Variants in CTNNA3 observed in about 807,000 individuals in gnomAD.
The protein encoded by CTNNA3 is catenin alpha-3.
CTNNA3 carries 76 observed loss-of-function variants against 95.7 expected under a neutral mutation model. The ratio of observed to expected loss-of-function variants is 0.79; its 90% confidence interval spans 0.66 to 0.96. The LOEUF (loss-of-function observed/expected upper bound fraction) is 0.96, where lower values mean the gene tolerates loss of function less well. Among genes scored for constraint, CTNNA3 ranks in the 40% least tolerant of loss-of-function variants. The probability of loss-of-function intolerance (pLI) is 0.00; values close to 1 mark genes in which losing one functional copy is unlikely to be tolerated. For missense variants in CTNNA3, 1,191 were observed against 1,089.8 expected, an observed-to-expected ratio of 1.09 and a Z score of -1.31; for synonymous variants, 431 against 374.4, an observed-to-expected ratio of 1.15 and a Z score of -1.74.
At chr10:67,448,059 T>C (rs1025543581) in intron 5 of CTNNA3, among the ~76,000 whole-genome samples, 4 of 152,206 alleles carry the variant, frequency 2.6e-5, no homozygotes, top group African/African-American at 7.2e-5. Context: ...GAATTTATGA[T>C]AGCTGAGTGC....
intron 15 of CTNNA3, among the ~76,000 whole-genome samples, chr10:66,066,673 T>G (rs12219948): frequency 0.17 from 26,080 of 152,140 alleles, 2,489 homozygotes; most frequent in South Asian, 0.35. Flanking sequence ...ACAATAAATT[T>G]AATTTTCTCA....
chr10:67,257,353 C>G (rs1564516596), intron 5 of CTNNA3, among the ~76,000 whole-genome samples: 1 of 152,218 alleles, frequency 6.6e-6, no homozygotes, highest in Non-Finnish European at 1.5e-5. Context: ...GCTGAAAGCA[C>G]AAATTTCAGT....
intron 13 of CTNNA3, among the ~76,000 whole-genome samples, chr10:66,189,778 G>A (rs12414265): frequency 0.086 from 13,044 of 150,850 alleles, 629 homozygotes; most frequent in Admixed American, 0.12. Context: ...TTTATTTTCC[G>A]TATGAATTTG....
At chr10:66,446,412 G>A (rs558003548) in intron 11 of CTNNA3, among the ~76,000 whole-genome samples, 1 of 152,076 alleles carries the variant, frequency 6.6e-6, no homozygotes, top group South Asian at 2.1e-4. Context: ...GAACATTGAT[G>A]CAAAAATCCT....
At chr10:67,750,660 T>C (rs949048309) in intron 1 of CTNNA3, 3 of 1,545,896 alleles carry the variant, frequency 1.9e-6, no homozygotes, top group African/African-American at 1.4e-5. Flanking sequence ...TCCGCAAAGA[T>C]GATAAAGGTA....
intron 9 of CTNNA3, among the ~76,000 whole-genome samples, chr10:66,729,703 G>A (rs1015255051): frequency 6.6e-6 from 1 of 152,160 alleles, no homozygotes; most frequent in African/African-American, 2.4e-5. Flanking sequence ...TATTGCTTGG[G>A]TGATGAGTGC....
intron 10 of CTNNA3, among the ~76,000 whole-genome samples, chr10:66,561,525 T>C (rs1369144780): frequency 6.6e-6 from 1 of 152,044 alleles, no homozygotes; most frequent in African/African-American, 2.4e-5. Context: ...CCAAGTTCTA[T>C]GTAAAGTGAT....
intron 11 of CTNNA3, among the ~76,000 whole-genome samples, chr10:66,444,299 A>G (rs1006730171): frequency 1.2e-4 from 18 of 152,140 alleles, no homozygotes; most frequent in Non-Finnish European, 2.2e-4. Context: ...GCAGGCCAAC[A>G]TTCAGATTCA....
intron 5 of CTNNA3, among the ~76,000 whole-genome samples, chr10:67,384,431 A>T (rs1480671777): frequency 6.6e-6 from 1 of 152,222 alleles, no homozygotes; most frequent in Non-Finnish European, 1.5e-5. Flanking sequence ...TGCTTCATCC[A>T]CTAAATATAT....
intron 6 of CTNNA3, among the ~76,000 whole-genome samples, chr10:67,196,625 G>A (rs1034787762): frequency 1.3e-5 from 2 of 151,956 alleles, no homozygotes; most frequent in African/African-American, 4.8e-5. Flanking sequence ...TCTTCTCCTA[G>A]GCATATTTCT....
chr10:66,750,188 A>C (rs1839075778), intron 9 of CTNNA3, among the ~76,000 whole-genome samples: 1 of 152,186 alleles, frequency 6.6e-6, no homozygotes, highest in Non-Finnish European at 1.5e-5. Context: ...TCTTCATATT[A>C]TCTTTTGCAG....
intron 14 of CTNNA3, among the ~76,000 whole-genome samples, chr10:66,071,905 C>A (rs1483480447): frequency 6.6e-6 from 1 of 152,144 alleles, no homozygotes; most frequent in African/African-American, 2.4e-5. Flanking sequence ...GCTGTGTTAT[C>A]CCAATTGCCT....
intron 11 of CTNNA3, among the ~76,000 whole-genome samples, chr10:66,450,268 A>T (rs2093454680): frequency 6.6e-6 from 1 of 152,178 alleles, no homozygotes; most frequent in Non-Finnish European, 1.5e-5. Context: ...ATGCTAGAAG[A>T]GTTTTGGTAT....
At chr10:67,109,250 T>G (rs1291552698) in intron 7 of CTNNA3, among the ~76,000 whole-genome samples, 1 of 152,204 alleles carries the variant, frequency 6.6e-6, no homozygotes, top group Non-Finnish European at 1.5e-5. Flanking sequence ...AATATTTCAT[T>G]TAAAAAGTAG....
chr10:67,495,884 G>A (rs559691524), intron 5 of CTNNA3, among the ~76,000 whole-genome samples: 1 of 152,310 alleles, frequency 6.6e-6, no homozygotes, highest in East Asian at 1.9e-4. Context: ...AACCTGTATA[G>A]TAGGCACTTC....
At chr10:66,998,988 A>G (rs17279006) in intron 7 of CTNNA3, among the ~76,000 whole-genome samples, 7,551 of 152,258 alleles carry the variant, frequency 0.05, 269 homozygotes, top group Middle Eastern at 0.082. Flanking sequence ...AGTATCACTC[A>G]GAACTTCTGT....
At chr10:66,159,707 G>C (rs190338463) in intron 13 of CTNNA3, among the ~76,000 whole-genome samples, 25 of 150,148 alleles carry the variant, frequency 1.7e-4, no homozygotes, top group Non-Finnish European at 2.5e-4. Context: ...AATTAGGGAG[G>C]ATTCCTTCTT....
chr10:65,950,349 T>C (rs939487886), intron 17 of CTNNA3, among the ~76,000 whole-genome samples: 4 of 152,178 alleles, frequency 2.6e-5, no homozygotes, highest in East Asian at 1.9e-4. Flanking sequence ...CATGCCTTTA[T>C]AGATTTTGAC....
chr10:67,514,035 G>A (rs1454262295), intron 5 of CTNNA3, among the ~76,000 whole-genome samples: 1 of 152,184 alleles, frequency 6.6e-6, no homozygotes, highest in African/African-American at 2.4e-5. Flanking sequence ...TTGGGGCCAG[G>A]CACAGTAGTT....
Sources: allele counts gnomAD v4.1 joint callset (sites outside exome capture counted in the v4.1 genomes callset), GRCh38; gene constraint gnomAD v4.1.1; transcripts MANE v1.5; gene names NCBI Gene and HGNC (gene_info 2026-07-23, HGNC 2026-07-21).